The following FAM20A variants were observed in gnomAD, a reference collection of about 807,000 sequenced individuals.
FAM20A encodes the protein pseudokinase FAM20A.
In FAM20A, 42 loss-of-function variants were observed where a neutral mutation model predicts 52.0. The ratio of observed to expected loss-of-function variants is 0.81; its 90% CI spans 0.63 to 1.04. FAM20A has a LOEUF of 1.04. FAM20A is among the 50% of genes least tolerant of loss of function. FAM20A has a pLI of 0.00. For synonymous variants in FAM20A, 304 were observed against 298.9 expected (o/e 1.02, Z -0.18); for missense variants, 742 against 712.7 (o/e 1.04, Z -0.47).
chr17:68,600,764 G>A lies in FAM20A; in HGVS notation c.-98C>T, dbSNP rs1389357887. On this transcript the variant is annotated 5_prime_UTR_variant, in exon 1 of 11. Transcript: ENST00000592554. This position sits in a 1 kb window ranked among gnomAD's most constrained non-coding sequence, Gnocchi z 6.2. The stretch of plus-strand genomic sequence containing the variant: ...GGGCAGAAGAGGTGCCTGGAGTCCC[G>A]CGGGTGGGCCGGGGTCAGTGAGACC... 8.8e-6 allele frequency: 12 copies of A among 1,364,994 alleles called. No homozygotes were observed. The highest frequency in any genetic ancestry group is 8.8e-6 in the Non-Finnish European group (9 of 1,023,808). The allele number at this position is 1,364,994 out of a possible 1,614,324, so 84.6% of individuals were successfully genotyped here. A position where few individuals can be genotyped will look rare whatever the true frequency, so the allele number is the denominator to read the frequency against.
rs1394098535 is a variant in FAM20A at position 68,572,013 on chromosome 17, T to C, written c.405-16270A>G. 2.2e-3 allele frequency among the ~76,000 whole-genome samples: 229 copies of C among 102,230 alleles called. 8 individuals are homozygous for C. The highest frequency in any genetic ancestry group is 8.8e-3 in the African/African-American group (207 of 23,548). The allele number at this position is 102,230 out of a possible 152,430, so 67.1% of individuals were successfully genotyped here. On this transcript the variant is annotated intron_variant, in intron 1 of 10. Transcript: ENST00000592554. ...ATATATATATATATATATATATATA[T>C]ATATATATATATATATATATATATA...
chr17:68,565,201 G>A (rs1309392934), intron 1 of FAM20A, among the ~76,000 whole-genome samples: 2 of 152,018 alleles, frequency 1.3e-5, no homozygotes, highest in East Asian at 1.9e-4. Flanking sequence ...TCTCCAATGG[G>A]TGTTACAGTG....
chr17:68,546,665 C>T (rs1344403261), intron 4 of FAM20A, among the ~76,000 whole-genome samples: 3 of 151,992 alleles, frequency 2.0e-5, no homozygotes, highest in African/African-American at 7.3e-5. Flanking sequence ...CCTGTCTCTA[C>T]TAAAAATACA....
At chr17:68,581,411 T>TTTCTTTCC (rs1331429257) in intron 1 of FAM20A, among the ~76,000 whole-genome samples, 2 of 147,148 alleles carry the variant, frequency 1.4e-5, no homozygotes, top group Non-Finnish European at 3.0e-5. Flanking sequence ...TCTTTCTTTC[T>TTTCTTTCC]TTCTTTTTCT....
At chr17:68,539,253 G>T (rs1052089651) in intron 10 of FAM20A, 84 bp downstream of exon 10, 2 of 1,380,714 alleles carry the variant, frequency 1.4e-6, no homozygotes, top group South Asian at 1.2e-5. Flanking sequence ...AGTGAAAACT[G>T]GAAGCCCTTC....
At chr17:68,567,790 C>T (rs562947311) in intron 1 of FAM20A, among the ~76,000 whole-genome samples, 3 of 151,968 alleles carry the variant, frequency 2.0e-5, no homozygotes, top group Non-Finnish European at 4.4e-5. Flanking sequence ...GACTGGATCA[C>T]GGGGGTGGTT....
chr17:68,596,666 G>A (rs1363013921), intron 1 of FAM20A, among the ~76,000 whole-genome samples: 1 of 152,186 alleles, frequency 6.6e-6, no homozygotes, highest in Non-Finnish European at 1.5e-5. Context: ...TTAGTGTATG[G>A]CCTGAAAGTG....
chr17:68,536,404 A>C lies in FAM20A; in HGVS notation c.*1073T>G. On this transcript the variant is annotated 3_prime_UTR_variant, in exon 11 of 11. Transcript: ENST00000592554. ...TATGGAATAAGAAACAAAGCCTCCT[A>C]TTAAAAGGAGTTTCAGATATCAACA... The C allele has an allele frequency of 2.2e-6, 1 of 454,108 alleles. No individual in the cohort carries two copies. Among genetic ancestry groups the C allele is most frequent in the Non-Finnish European group, 4.4e-6 (1 of 226,784 alleles). 28.1% of individuals were successfully genotyped at this position (454,108 alleles called of 1,614,324 possible). A position where few individuals can be genotyped will look rare whatever the true frequency, so the allele number is the denominator to read the frequency against.
intron 1 of FAM20A, among the ~76,000 whole-genome samples, chr17:68,580,125 A>G (rs776255833): frequency 2.0e-5 from 3 of 152,264 alleles, no homozygotes; most frequent in Non-Finnish European, 4.4e-5. Context: ...GTAACAACAT[A>G]ATAAGTGGAA....
At chr17:68,569,930 G>A (rs1344712639) in intron 1 of FAM20A, among the ~76,000 whole-genome samples, 1 of 152,154 alleles carries the variant, frequency 6.6e-6, no homozygotes, top group Non-Finnish European at 1.5e-5. Flanking sequence ...GCGTTGCACA[G>A]TGTCTCTCTC....
At chr17:68,591,973 G>A (rs1029052121) in intron 1 of FAM20A, 1 of 152,190 alleles carries the variant, frequency 6.6e-6, no homozygotes, top group Non-Finnish European at 1.5e-5. Context: ...TGTGAAAAGA[G>A]CCCAGTTTTA....
chr17:68,549,113 C>G (rs930422957), intron 4 of FAM20A, among the ~76,000 whole-genome samples: 32 of 152,304 alleles, frequency 2.1e-4, no homozygotes, highest in African/African-American at 7.2e-4. Flanking sequence ...AAAGGAAATG[C>G]TACAGGTTCT....
intron 1 of FAM20A, among the ~76,000 whole-genome samples, chr17:68,589,038 T>G (rs947369527): frequency 1.3e-5 from 2 of 152,236 alleles, no homozygotes; most frequent in Non-Finnish European, 2.9e-5. Flanking sequence ...TCTCCCCAGA[T>G]AGCCTTTGAT....
chr17:68,585,007 G>A (rs2088127330), intron 1 of FAM20A, among the ~76,000 whole-genome samples: 1 of 152,196 alleles, frequency 6.6e-6, no homozygotes, highest in African/African-American at 2.4e-5. Flanking sequence ...AATACCTAAG[G>A]TAGGTGTTTG....
At chr17:68,563,311 G>A (rs1170947994) in intron 1 of FAM20A, among the ~76,000 whole-genome samples, 5 of 151,388 alleles carry the variant, frequency 3.3e-5, no homozygotes, top group Admixed American at 6.6e-5. Context: ...GCTTGAACTC[G>A]GGAGGCGGGG....
At position 68,600,738 on chromosome 17, in the gene FAM20A, C is replaced by G. The variant is rs2088602882; in HGVS notation, c.-72G>C. On this transcript the variant is annotated 5_prime_UTR_variant, in exon 1 of 11. Transcript: ENST00000592554. The surrounding 1 kb of genome is among the most constrained non-coding windows in gnomAD (Gnocchi z 6.2). ...GGGTCCCGGGAGGGGTCGCGGGGTG[C>G]GGGCAGAAGAGGTGCCTGGAGTCCC... 8 of 1,474,030 alleles carry G rather than the reference C, an allele frequency of 5.4e-6. No individual in the cohort carries two copies. Among genetic ancestry groups the G allele is most frequent in the Non-Finnish European group, 7.2e-6 (8 of 1,111,152 alleles). The allele number at this position is 1,474,030 out of a possible 1,614,324, so 91.3% of individuals were successfully genotyped here.
intron 7 of FAM20A, chr17:68,541,752 TC>T (rs1385458099): frequency 8.4e-6 from 4 of 475,360 alleles, no homozygotes; most frequent in African/African-American, 7.7e-5. Flanking sequence ...GTCTTCCATT[TC>T]TGTATCCCAT....
Position 68,600,703 on chromosome 17 carries a change from G to A in FAM20A, c.-37C>T. ...CAAGGGGGACGCCGGGGGCAGGCCGGCTGTCTCCGGGGTCCCGGGAGGGGT... is the reference window on the plus strand; with the variant it reads ...CAAGGGGGACGCCGGGGGCAGGCCGACTGTCTCCGGGGTCCCGGGAGGGGT... On this transcript the variant is annotated 5_prime_UTR_variant, in exon 1 of 11. Coordinates refer to ENST00000592554, the MANE Select transcript of FAM20A (RefSeq NM_017565.4). This position sits in a 1 kb window ranked among gnomAD's most constrained non-coding sequence, Gnocchi z 6.2. The A allele has an allele frequency of 2.0e-6, 3 of 1,525,810 alleles. No homozygotes were observed. The highest frequency in any genetic ancestry group is 2.6e-6 in the Non-Finnish European group (3 of 1,142,692). The allele number at this position is 1,525,810 out of a possible 1,614,324, so 94.5% of individuals were successfully genotyped here.
intron 1 of FAM20A, among the ~76,000 whole-genome samples, chr17:68,584,306 G>T (rs930273363): frequency 6.7e-6 from 1 of 150,236 alleles, no homozygotes; most frequent in African/African-American, 2.5e-5. Context: ...GGCAGAGTGA[G>T]ACTCCATCTC....
Sources: allele counts gnomAD v4.1 joint callset (sites outside exome capture counted in the v4.1 genomes callset), GRCh38; gene constraint gnomAD v4.1.1; non-coding constraint Gnocchi (gnomAD v3.1); transcripts MANE v1.5; gene names NCBI Gene and HGNC (gene_info 2026-07-23, HGNC 2026-07-21).